KLHL1: variants seen among roughly 807,000 people sequenced by gnomAD.
KLHL1 encodes kelch like family member 1, also known as kelch-like protein 1.
In KLHL1, 47 loss-of-function variants were observed where a neutral mutation model predicts 77.7. The ratio of observed to expected loss-of-function variants is 0.60; its 90% CI spans 0.48 to 0.77. The LOEUF is 0.77. Ranked by LOEUF, KLHL1 falls within the 30% of genes least tolerant of loss-of-function variation. KLHL1 has a pLI of 0.00. For synonymous variants in KLHL1, 360 were observed against 325.2 expected, an observed-to-expected ratio of 1.11 and a Z score of -1.15; for missense variants, 925 against 910.8, an observed-to-expected ratio of 1.02 and a Z score of -0.20.
chr13:69,725,613 C>T (rs549254921), intron 8 of KLHL1, among the ~76,000 whole-genome samples: 68 of 152,232 alleles, frequency 4.5e-4, no homozygotes, highest in Admixed American at 1.3e-3. Context: ...CATACTCTAT[C>T]AGGCTTCACA....
At chr13:69,895,210 G>A in intron 4 of KLHL1, 1 of 509,254 alleles carries the variant, frequency 2.0e-6, no homozygotes, top group Non-Finnish European at 3.9e-6. Flanking sequence ...AATGTGAGGT[G>A]TTACCAGTTG....
chr13:69,784,019 G>A (rs1211779640), intron 7 of KLHL1, among the ~76,000 whole-genome samples: 2 of 152,122 alleles, frequency 1.3e-5, no homozygotes, highest in East Asian at 1.9e-4. Flanking sequence ...AAGAGACTGG[G>A]GGCCAAAATT....
Position 69,853,153 on chromosome 13 carries a change from G to T in KLHL1, c.1228-13991C>A, listed in dbSNP as rs186109663. Among the ~76,000 whole-genome samples the T allele has an allele frequency of 3.6e-3, 543 of 152,056 alleles. 2 individuals are homozygous for T. The highest frequency in any genetic ancestry group is 0.012 in the African/African-American group (518 of 41,526). The stretch of plus-strand genomic sequence containing the variant: ...CAAGAACTGTTAAACTACTGATATG[G>T]TTTGACTGTGACCCTACCCAAATTT... On this transcript the variant is annotated intron_variant, in intron 5 of 10. Coordinates refer to ENST00000377844, the MANE Select transcript of KLHL1 (RefSeq NM_020866.3).
chr13:69,769,665 T>C (rs1875470029), intron 7 of KLHL1, among the ~76,000 whole-genome samples: 1 of 152,064 alleles, frequency 6.6e-6, no homozygotes, highest in South Asian at 2.1e-4. Flanking sequence ...TCCAAACATA[T>C]AAAAGCCCAG....
chr13:69,891,254 C>T (rs143160366), intron 4 of KLHL1, among the ~76,000 whole-genome samples: 1 of 151,990 alleles, frequency 6.6e-6, no homozygotes, highest in African/African-American at 2.4e-5. Flanking sequence ...TTCTATAGCA[C>T]CCACTAAGTG....
chr13:69,774,634 A>G (rs1207630434), intron 7 of KLHL1, among the ~76,000 whole-genome samples: 1 of 150,908 alleles, frequency 6.6e-6, no homozygotes, highest in Non-Finnish European at 1.5e-5. Flanking sequence ...TTATTCCTTT[A>G]TTTTCCTAAT....
chr13:69,714,776 T>C (rs1876039334), intron 9 of KLHL1, among the ~76,000 whole-genome samples: 1 of 151,850 alleles, frequency 6.6e-6, no homozygotes. Context: ...GTATTTCTAG[T>C]ACAGATGGGA....
At chr13:69,754,072 G>T (rs9592654) in intron 7 of KLHL1, among the ~76,000 whole-genome samples, 36,469 of 151,532 alleles carry the variant, frequency 0.24, 4,464 homozygotes, top group South Asian at 0.3. Context: ...GAACTCCTGG[G>T]CTCAAGCAAT....
chr13:69,797,517 A>C (rs576841863), intron 6 of KLHL1, among the ~76,000 whole-genome samples: 106 of 152,294 alleles, frequency 7.0e-4, no homozygotes, highest in Admixed American at 1.2e-3. Flanking sequence ...TTTAAAAAAT[A>C]ATCTGGGGAA....
rs2439677 is a variant in KLHL1, at chr13:69,998,759, C to A, written c.498-22957G>T. 9.9e-3 allele frequency among the ~76,000 whole-genome samples: 1,508 copies of A among 152,152 alleles called. 25 individuals carry two copies. Among genetic ancestry groups the A allele is most frequent in the African/African-American group, 0.034 (1,421 of 41,530 alleles). On this transcript the variant is annotated intron_variant, in intron 1 of 10. Transcript: ENST00000377844. ...CTGATGGCTTGGGTTGTCTGGTCAT[C>A]GTCTCAGAAGGCTGCAATAAGGTTG...
chr13:70,096,141 C>T (rs1439109691), intron 1 of KLHL1, among the ~76,000 whole-genome samples: 1 of 152,050 alleles, frequency 6.6e-6, no homozygotes, highest in Non-Finnish European at 1.5e-5. Context: ...GTTAATTGTG[C>T]TGCAATAAAC....
chr13:70,072,470 CCAGA>C (rs1887158423), intron 1 of KLHL1, among the ~76,000 whole-genome samples: 1 of 151,984 alleles, frequency 6.6e-6, no homozygotes, highest in Admixed American at 6.6e-5. Flanking sequence ...AAAACCAAAA[CCAGA>C]CAATGATGTT....
At chr13:69,886,962 T>C (rs1593918628) in intron 4 of KLHL1, among the ~76,000 whole-genome samples, 1 of 152,042 alleles carries the variant, frequency 6.6e-6, no homozygotes, top group Non-Finnish European at 1.5e-5. Flanking sequence ...ATCTAAACAG[T>C]TATTGGTTAG....
At chr13:69,982,479 T>TAATAATAAA (rs1418282120) in intron 1 of KLHL1, among the ~76,000 whole-genome samples, 34 of 142,044 alleles carry the variant, frequency 2.4e-4, no homozygotes, top group Non-Finnish European at 3.7e-4. Flanking sequence ...ATAATAATAA[T>TAATAATAAA]AAAATAAAAA....
At chr13:69,793,608 CA>C (rs1876971059) in intron 7 of KLHL1, among the ~76,000 whole-genome samples, 1 of 151,612 alleles carries the variant, frequency 6.6e-6, no homozygotes, top group Non-Finnish European at 1.5e-5. Flanking sequence ...AGCTTCTTTT[CA>C]CTTGAATGTA....
At chr13:69,959,381 G>A (rs1205202579) in intron 3 of KLHL1, among the ~76,000 whole-genome samples, 2 of 151,744 alleles carry the variant, frequency 1.3e-5, no homozygotes, top group African/African-American at 2.4e-5. Flanking sequence ...AAACAATAAC[G>A]TAATTATCCT....
At chr13:70,002,995 T>C (rs1328196342) in intron 1 of KLHL1, among the ~76,000 whole-genome samples, 1 of 151,670 alleles carries the variant, frequency 6.6e-6, no homozygotes, top group Non-Finnish European at 1.5e-5. Flanking sequence ...ATTGAGCTTG[T>C]AGATATGCAA....
chr13:69,757,022 T>C (rs1292326045), intron 7 of KLHL1, among the ~76,000 whole-genome samples: 1 of 152,286 alleles, frequency 6.6e-6, no homozygotes, highest in East Asian at 1.9e-4. Flanking sequence ...TGGTATTCAG[T>C]TAATTCTTGT....
At chr13:69,780,716 G>GTATATA (rs1290786295) in intron 7 of KLHL1, among the ~76,000 whole-genome samples, 1 of 47,700 alleles carries the variant, frequency 2.1e-5, no homozygotes, top group South Asian at 7.6e-4. Flanking sequence ...ATATATATAT[G>GTATATA]TATATATATA....
Sources: gnomAD v4.1 joint callset for allele counts (sites outside exome capture counted in the v4.1 genomes callset) on GRCh38, gnomAD v4.1.1 for gene constraint, MANE v1.5 for transcripts, NCBI Gene and HGNC (gene_info 2026-07-23, HGNC 2026-07-21) for gene names.